DGKQ: variants seen among roughly 807,000 people sequenced by gnomAD.
The protein encoded by DGKQ is DAG kinase theta.
In DGKQ, 97 loss-of-function variants were observed where a neutral mutation model predicts 104.2. The ratio of observed to expected loss-of-function variants is 0.93; its 90% CI spans 0.79 to 1.10. The LOEUF (loss-of-function observed/expected upper bound fraction) is 1.10. Ranked by LOEUF, DGKQ falls within the 50% of genes least tolerant of loss-of-function variation. The pLI is 0.00. For missense variants in DGKQ, 1,465 were observed against 1,352.1 expected (o/e 1.08, Z -1.31); for synonymous variants, 736 against 595.2 (o/e 1.24, Z -3.44).
chr4:969,458 A>C (rs1042540931), intron 2 of DGKQ, among the ~76,000 whole-genome samples: 114 of 152,352 alleles, frequency 7.5e-4, no homozygotes, highest in African/African-American at 2.6e-3. Flanking sequence ...CGAGAAGGGA[A>C]GGAGAAGGAC....
Position 971,579 on chromosome 4 carries a change from C to T in DGKQ, c.272-507G>A, listed in dbSNP as rs1308362519. Among the ~76,000 whole-genome samples the T allele has an allele frequency of 6.6e-6, 1 of 152,170 alleles. No individual in the cohort carries two copies. Among genetic ancestry groups the T allele is most frequent in the Non-Finnish European group, 1.5e-5 (1 of 68,018 alleles). ...GGTGAGGGCTCTGGGAGGCAGGAGC[C>T]GCTGGGGAGTGGACAGCCCCAAGCC... On this transcript the variant is annotated intron_variant, in intron 1 of 22. Transcript: ENST00000273814. This position sits in a 1 kb window ranked among gnomAD's most constrained non-coding sequence, Gnocchi z 4.0.
rs1485820763 is a variant in DGKQ at position 973,525 on chromosome 4, G to A, written c.-43C>T. On this transcript the variant is annotated 5_prime_UTR_variant, in exon 1 of 23. Coordinates refer to ENST00000273814, the MANE Select transcript of DGKQ (RefSeq NM_001347.4). The stretch of plus-strand genomic sequence containing the variant: ...CGAGCCCCTTTAGGTCCGCGCCGGG[G>A]GTACAGGAGCCGCCGCTCCACGGCC... 1 of 987,158 alleles carries A rather than the reference G, an allele frequency of 1.0e-6. No individual in the cohort carries two copies. Among genetic ancestry groups the A allele is most frequent in the South Asian group, 4.7e-5 (1 of 21,270 alleles). 61.1% of individuals were successfully genotyped at this position (987,158 alleles called of 1,614,324 possible).
chr4:960,928 C>T (rs949889221), intron 22 of DGKQ, 121 bp downstream of exon 22: 10 of 1,518,700 alleles, frequency 6.6e-6, no homozygotes, highest in South Asian at 1.3e-5. Flanking sequence ...GGCACCCTCC[C>T]GGAGTCAGTG....
In DGKQ at chr4:961,080, C is replaced by A; in HGVS notation, c.2696G>T (p.Gly899Val). 1 of 1,612,328 alleles carries A rather than the reference C, an allele frequency of 6.2e-7. No homozygotes were observed. The highest frequency in any genetic ancestry group is 1.1e-5 in the South Asian group (1 of 91,080). ...GCCAGCAGCTGAGATGATCATGTGC[C>A]CCGGGGCCTGGACCCAGGGCTCCCC... Reference protein sequence around the residue: ...VDGEPWVQAPGHMIISAAGPK... With the variant: ...VDGEPWVQAPVHMIISAAGPK... Residue 899 changes from glycine to valine, a missense_variant, in exon 22 of 23, where the codon GGG (glycine) becomes GTG (valine). Coordinates refer to ENST00000273814, the MANE Select transcript of DGKQ (RefSeq NM_001347.4).
intron 5 of DGKQ, 27 bp from the exon 6 acceptor site, chr4:968,054 G>A (rs1459181001): frequency 7.1e-7 from 1 of 1,412,188 alleles, no homozygotes; most frequent in Non-Finnish European, 9.2e-7. Flanking sequence ...CTGAGCTGGG[G>A]GGTTGGAGCC....
chr4:965,636 C>T (rs1279084736), intron 13 of DGKQ, 107 bp from the exon 14 acceptor site: 1 of 1,288,036 alleles, frequency 7.8e-7, no homozygotes, highest in African/African-American at 1.5e-5. Flanking sequence ...ACCCCAAAGG[C>T]AGCCTCCCCA....
chr4:965,573 A>C (rs1332102689), intron 13 of DGKQ, 44 bp from the exon 14 acceptor site: 1 of 1,603,904 alleles, frequency 6.2e-7, no homozygotes, highest in South Asian at 1.1e-5. Context: ...GGCGAAGGAC[A>C]CACAGCACTG....
chr4:962,172 G>T, intron 18 of DGKQ, 90 bp from the exon 19 acceptor site: 8 of 1,210,822 alleles, frequency 6.6e-6, no homozygotes, highest in African/African-American at 1.5e-5. Flanking sequence ...GCAGAGACAA[G>T]AGCAAGGACC....
chr4:971,172 A>G lies in DGKQ; in HGVS notation c.272-100T>C. The G allele has an allele frequency of 1.2e-6, 1 of 826,668 alleles. No individual in the cohort carries two copies. Among genetic ancestry groups the G allele is most frequent in the Non-Finnish European group, 2.0e-6 (1 of 508,178 alleles). The allele number at this position is 826,668 out of a possible 1,614,324, so 51.2% of individuals were successfully genotyped here. On this transcript the variant is annotated intron_variant, in intron 1 of 22. Transcript: ENST00000273814. This position sits in a 1 kb window ranked among gnomAD's most constrained non-coding sequence, Gnocchi z 4.0. ...CAGGGCAATGACTGCCATACCCACC[A>G]TGCTGCACCAGGGGCCCTGTGGTCC...
At chr4:964,902 C>T (rs1028407145) in intron 15 of DGKQ, among the ~76,000 whole-genome samples, 5 of 152,188 alleles carry the variant, frequency 3.3e-5, no homozygotes, top group Admixed American at 6.5e-5. Context: ...CCTGACCCCA[C>T]GGTGCCCCAC....
Position 967,182 on chromosome 4 carries a change from G to A in DGKQ, c.1167C>T (p.Ile389=). 6.3e-7 allele frequency: 1 copy of A among 1,599,218 alleles called. No individual in the cohort carries two copies. Among genetic ancestry groups the A allele is most frequent in the African/African-American group, 1.3e-5 (1 of 74,880 alleles). ...CCTCCTGGGCCCGCGGCAGAGCCCGGATGACCCAGGCCTCTGGCGTGGCCT... is the reference window on the plus strand; with the variant it reads ...CCTCCTGGGCCCGCGGCAGAGCCCGAATGACCCAGGCCTCTGGCGTGGCCT... ...SGEATPEAWV[I]RALPRAQEVL... is the part of the protein sequence containing the mutation. Residue 389 remains isoleucine, a synonymous_variant, in exon 9 of 23, where the codon ATC becomes ATT. Transcript: ENST00000273814.
Position 968,285 on chromosome 4 carries a change from G to C in DGKQ, c.660C>G (p.Val220=). Residue 220 remains valine, a synonymous_variant, in exon 5 of 23, where the codon GTC becomes GTG. Transcript: ENST00000273814. ...LAGVRCEWCG[V]QAHSLCSAAL... ...CCCTCGACTTCCCAGCGCCCACCTG[G>C]ACCCCGCACCACTCGCAGCGCACGC... 1 of 1,410,262 alleles carries C rather than the reference G, an allele frequency of 7.1e-7. No individual in the cohort carries two copies. The highest frequency in any genetic ancestry group is 9.4e-7 in the Non-Finnish European group (1 of 1,067,760). 87.4% of individuals were successfully genotyped at this position (1,410,262 alleles called of 1,614,324 possible).
At chr4:968,634 C>A (rs1183857251) in intron 3 of DGKQ, 70 bp from the exon 4 acceptor site, 2 of 1,468,914 alleles carry the variant, frequency 1.4e-6, no homozygotes, top group African/African-American at 1.4e-5. Context: ...GTGCTTGGGT[C>A]TGCCCCATCC....
In DGKQ at chr4:960,960, T is replaced by C. The variant is rs554224678; in HGVS notation, c.2727+89A>G. 133 of 1,562,440 alleles carry C rather than the reference T, an allele frequency of 8.5e-5. No homozygotes were observed. In the African/African-American group the frequency reaches 1.6e-3, roughly 19 times the overall value. The stretch of plus-strand genomic sequence containing the variant: ...AGTGCTCCCTGGCCGCAGCCGGCCA[T>C]GCCAGCACCACCTGGGTACCACTGG... On this transcript the variant is annotated intron_variant, in intron 22 of 22. Coordinates refer to ENST00000273814, the MANE Select transcript of DGKQ (RefSeq NM_001347.4).
At chr4:964,477 TGG>T (rs1712138817) in intron 15 of DGKQ, among the ~76,000 whole-genome samples, 1 of 151,504 alleles carries the variant, frequency 6.6e-6, no homozygotes, top group Non-Finnish European at 1.5e-5. Context: ...AGCCCCTCCA[TGG>T]GCCAGAACCC....
At chr4:963,338 C>G in intron 15 of DGKQ, 48 bp from the exon 16 acceptor site, 1 of 1,549,442 alleles carries the variant, frequency 6.5e-7, no homozygotes, top group Non-Finnish European at 8.8e-7. Flanking sequence ...GGTGGGGTGT[C>G]CCCACTGCTG....
At position 959,785 on chromosome 4, in the gene DGKQ, C is replaced by G. The variant is rs941730503; in HGVS notation, c.*835G>C. 1 of 152,292 alleles carries G rather than the reference C, an allele frequency of 6.6e-6. No homozygotes were observed. The highest frequency in any genetic ancestry group is 1.5e-5 in the Non-Finnish European group (1 of 68,096). The allele number at this position is 152,292 out of a possible 1,614,324, so 9.4% of individuals were successfully genotyped here. ...CGCCATGCCCTGCTTTTGGTCCCTT[C>G]TGGGTGCTAAGTGCCCCACCCTGAG... On this transcript the variant is annotated 3_prime_UTR_variant, in exon 23 of 23. Coordinates refer to ENST00000273814, the MANE Select transcript of DGKQ (RefSeq NM_001347.4).
At chr4:960,763 G>C (rs755035611) in intron 22 of DGKQ, 42 bp from the exon 23 acceptor site, 11 of 1,602,470 alleles carry the variant, frequency 6.9e-6, no homozygotes, top group Non-Finnish European at 9.4e-6. Flanking sequence ...TGACATGGCC[G>C]ATGAAAGAAC....
At position 967,609 on chromosome 4, in the gene DGKQ, C is replaced by T. The variant is rs2305487; in HGVS notation, c.927G>A (p.Val309=). The T allele has an allele frequency of 0.046, 74,139 of 1,612,622 alleles. 1,942 individuals are homozygous for T. Among genetic ancestry groups the T allele is most frequent in the East Asian group, 0.089 (3,999 of 44,846 alleles). The part of the protein sequence containing the change: ...TLKIFDGDDA[V]RRSQFRLVTV... ...TGACGAGGCGGAACTGGCTTCTTCTCACCGCGTCGTCGCCATCAAAGATCT... is the reference window on the plus strand; with the variant it reads ...TGACGAGGCGGAACTGGCTTCTTCTTACCGCGTCGTCGCCATCAAAGATCT... The change falls in exon 8 of 23, where the codon GTG becomes GTA. Residue 309 remains valine (V), a synonymous_variant. Coordinates refer to ENST00000273814, the MANE Select transcript of DGKQ (RefSeq NM_001347.4).
Sources: gnomAD v4.1 joint callset for allele counts (sites outside exome capture counted in the v4.1 genomes callset) on GRCh38, gnomAD v4.1.1 for gene constraint, Gnocchi (gnomAD v3.1) non-coding constraint, MANE v1.5 for transcripts, NCBI Gene and HGNC (gene_info 2026-07-23, HGNC 2026-07-21) for gene names.